Variants in ZNF516 observed in about 807,000 individuals in gnomAD.
ZNF516 encodes the protein zinc finger protein 516.
A neutral mutation model predicts 79.7 loss-of-function variants in ZNF516; 19 were observed. That is an observed-to-expected ratio of 0.24 (90% CI 0.17 to 0.35). The LOEUF is 0.35. ZNF516 is among the 10% of genes least tolerant of loss of function. ZNF516 has a pLI of 1.00. For missense variants in ZNF516, 1,678 were observed against 1,679.5 expected (o/e 1.00, Z 0.02); for synonymous variants, 877 against 739.5 (o/e 1.19, Z -3.02).
At chr18:76,367,853 T>C (rs1003165755) in intron 6 of ZNF516, among the ~76,000 whole-genome samples, 8 of 152,202 alleles carry the variant, frequency 5.3e-5, no homozygotes, top group African/African-American at 9.7e-5. Context: ...AAATGGAATT[T>C]CCAAATACTG....
intron 1 of ZNF516, among the ~76,000 whole-genome samples, chr18:76,470,751 C>A (rs1913780662): frequency 6.6e-6 from 1 of 152,168 alleles, no homozygotes; most frequent in South Asian, 2.1e-4. Context: ...GCGGTGGCTA[C>A]CGCCTGTAAT....
At chr18:76,372,468 C>G (rs1338828660) in intron 4 of ZNF516, among the ~76,000 whole-genome samples, 1 of 152,178 alleles carries the variant, frequency 6.6e-6, no homozygotes, top group African/African-American at 2.4e-5. Flanking sequence ...GAAAAAGTTA[C>G]ACCTGTTGCA....
In ZNF516 at chr18:76,371,636, G is replaced by C. The variant is rs1385889525; in HGVS notation, c.3260-65C>G. On this transcript the variant is annotated intron_variant, in intron 4 of 6. Coordinates refer to ENST00000443185, the MANE Select transcript of ZNF516 (RefSeq NM_014643.4). ...GGGTTGGCGTGGAGGTGAGGAGGCA[G>C]GAGAGCGAGGGGGAAGCGAGAGGAA... The C allele has an allele frequency of 2.6e-5, 35 of 1,322,148 alleles. No individual in the cohort carries two copies. The Middle Eastern group carries it at 7.3e-4, about 27-fold the overall frequency. 81.9% of individuals were successfully genotyped at this position (1,322,148 alleles called of 1,614,324 possible).
At chr18:76,469,034 G>T (rs11662423) in intron 1 of ZNF516, among the ~76,000 whole-genome samples, 63,812 of 152,100 alleles carry the variant, frequency 0.42, 16,373 homozygotes, top group Non-Finnish European at 0.56. Context: ...TTCCCAGCCC[G>T]ATTTTAAAGG....
chr18:76,448,731 C>T (rs1288941914), intron 2 of ZNF516, among the ~76,000 whole-genome samples: 2 of 152,158 alleles, frequency 1.3e-5, no homozygotes, highest in African/African-American at 2.4e-5. Context: ...CTGCAACAAG[C>T]ACTTCCTGAG....
chr18:76,396,892 C>T (rs907349532), intron 3 of ZNF516, among the ~76,000 whole-genome samples: 1 of 152,154 alleles, frequency 6.6e-6, no homozygotes, highest in Non-Finnish European at 1.5e-5. Flanking sequence ...TCCACGGGGG[C>T]TTTTCCATGA....
At chr18:76,418,747 T>C (rs1402169626) in intron 3 of ZNF516, among the ~76,000 whole-genome samples, 1 of 152,276 alleles carries the variant, frequency 6.6e-6, no homozygotes, top group African/African-American at 2.4e-5. Flanking sequence ...AATTTCCTTT[T>C]TCAAACGCTA....
chr18:76,473,917 G>GGC (rs1376026558), intron 1 of ZNF516, among the ~76,000 whole-genome samples: 1 of 107,658 alleles, frequency 9.3e-6, no homozygotes, highest in African/African-American at 3.1e-5. Flanking sequence ...GGGGGGGGGG[G>GGC]CTTTCTTTTT....
In ZNF516 at chr18:76,360,646, A is replaced by AATATATATATATAT. The variant is rs61233300; in HGVS notation, c.*1838_*1851dup. ...AAAAAAATAAGTAAAAAAAAAAAAA[A>AATATATATATATAT]ATATATATATATATATATATATATA... On this transcript the variant is annotated 3_prime_UTR_variant, in exon 7 of 7. Coordinates refer to ENST00000443185, the MANE Select transcript of ZNF516 (RefSeq NM_014643.4). The AATATATATATATAT allele has an allele frequency of 4.6e-4, 33 of 72,458 alleles. No homozygotes were observed. Among genetic ancestry groups the AATATATATATATAT allele is most frequent in the Non-Finnish European group, 8.4e-4 (31 of 36,922 alleles). The allele number at this position is 72,458 out of a possible 1,614,324, so 4.5% of individuals were successfully genotyped here.
At chr18:76,378,326 A>G (rs2074820352) in intron 4 of ZNF516, 1 of 152,318 alleles carries the variant, frequency 6.6e-6, no homozygotes, top group African/African-American at 2.4e-5. Context: ...CAGACTTTAT[A>G]TGGTACATCG....
In ZNF516 at chr18:76,431,468, TG is replaced by T. The variant is rs2075660128; in HGVS notation, c.1810+9776del. Among the ~76,000 whole-genome samples the T allele has an allele frequency of 2.0e-5, 3 of 152,226 alleles. No individual in the cohort carries two copies. In the South Asian group the frequency reaches 6.2e-4, roughly 32 times the overall value. On this transcript the variant is annotated intron_variant, in intron 3 of 6. Transcript: ENST00000443185. Reference sequence around the variant, plus strand: ...ATCCTGAAAGCAGCGAGAGAGGGGCTGCTCTGGAAGGTCCTGTGCCCGGCAT... The same window carrying T: ...ATCCTGAAAGCAGCGAGAGAGGGGCTCTCTGGAAGGTCCTGTGCCCGGCAT...
rs1337448528 is a variant in ZNF516 at position 76,360,656 on chromosome 18, T to G, written c.*1842A>C. 1 of 79,578 alleles carries G rather than the reference T, an allele frequency of 1.3e-5. No individual in the cohort carries two copies. Among genetic ancestry groups the G allele is most frequent in the Non-Finnish European group, 2.7e-5 (1 of 36,372 alleles). 4.9% of individuals were successfully genotyped at this position (79,578 alleles called of 1,614,324 possible). Reference sequence around the variant, plus strand: ...GTAAAAAAAAAAAAAAATATATATATATATATATATATATATATATATAAG... The same window carrying G: ...GTAAAAAAAAAAAAAAATATATATAGATATATATATATATATATATATAAG... On this transcript the variant is annotated 3_prime_UTR_variant, in exon 7 of 7. Transcript: ENST00000443185.
chr18:76,470,664 T>C (rs188924064), intron 1 of ZNF516, among the ~76,000 whole-genome samples: 21 of 152,356 alleles, frequency 1.4e-4, no homozygotes, highest in Admixed American at 1.2e-3. Context: ...TAAGGACTTC[T>C]TATCTATGAT....
At chr18:76,400,152 A>G (rs992189235) in intron 3 of ZNF516, among the ~76,000 whole-genome samples, 2 of 152,096 alleles carry the variant, frequency 1.3e-5, no homozygotes, top group Non-Finnish European at 2.9e-5. Context: ...CTGGAAGGGG[A>G]GACAGATGGA....
intron 3 of ZNF516, among the ~76,000 whole-genome samples, chr18:76,390,141 G>T (rs2075050200): frequency 6.6e-6 from 1 of 152,124 alleles, no homozygotes; most frequent in African/African-American, 2.4e-5. Context: ...GTGAATCTAT[G>T]GTCACGACCC....
intron 4 of ZNF516, among the ~76,000 whole-genome samples, chr18:76,373,072 CTCA>C (rs2074732624): frequency 6.6e-6 from 1 of 152,136 alleles, no homozygotes; most frequent in Non-Finnish European, 1.5e-5. Context: ...ATCACTTGAG[CTCA>C]GGAGGTCAAG....
intron 1 of ZNF516, among the ~76,000 whole-genome samples, chr18:76,487,789 A>C (rs1447697557): frequency 6.6e-6 from 1 of 152,126 alleles, no homozygotes; most frequent in East Asian, 1.9e-4. Flanking sequence ...GGACCAGAGA[A>C]AACTGAGGCC....
intron 3 of ZNF516, among the ~76,000 whole-genome samples, chr18:76,391,249 A>G (rs1449243186): frequency 6.6e-6 from 1 of 152,176 alleles, no homozygotes; most frequent in African/African-American, 2.4e-5. Context: ...GGGTACTACC[A>G]TAAGCACAAG....
At position 76,492,690 on chromosome 18, in the gene ZNF516, C is replaced by A. The variant is rs536106227; in HGVS notation, c.-272+2454G>T. The A allele has an allele frequency of 1.7e-5, 17 of 982,076 alleles. No individual in the cohort carries two copies. In the South Asian group the frequency reaches 6.6e-4, roughly 38 times the overall value. 60.8% of individuals were successfully genotyped at this position (982,076 alleles called of 1,614,324 possible). A position where few individuals can be genotyped will look rare whatever the true frequency, so the allele number is the denominator to read the frequency against. ...GCCCAGGCACCAAGGCCAGAGAAAC[C>A]GCACGTTTCGAGTCCCCAGTTGCTG... On this transcript the variant is annotated intron_variant, in intron 1 of 6. Transcript: ENST00000443185.
Sources: gnomAD v4.1 joint callset for allele counts (sites outside exome capture counted in the v4.1 genomes callset) on GRCh38, gnomAD v4.1.1 for gene constraint, MANE v1.5 for transcripts, NCBI Gene and HGNC (gene_info 2026-07-23, HGNC 2026-07-21) for gene names.